CDS2: variants seen among roughly 807,000 people sequenced by gnomAD.
The protein encoded by CDS2 is CDP-diacylglycerol synthase 2.
A neutral mutation model predicts 59.0 loss-of-function variants in CDS2; 47 were observed. That is an observed-to-expected ratio of 0.80 (90% confidence interval 0.63 to 1.02). The LOEUF is 1.02. Ranked by LOEUF, CDS2 falls within the 50% of genes least tolerant of loss-of-function variation. The pLI is 0.00. For missense variants in CDS2, 356 were observed against 558.9 expected, an observed-to-expected ratio of 0.64 and a Z score of 3.66; for synonymous variants, 207 against 206.4, an observed-to-expected ratio of 1.00 and a Z score of -0.02.
chr20:5,188,886 A>G (rs1041912349), intron 10 of CDS2, among the ~76,000 whole-genome samples, 181 bp from the exon 11 acceptor site: 14 of 152,172 alleles, frequency 9.2e-5, no homozygotes, highest in Non-Finnish European at 1.9e-4. Context: ...AGAACTCACT[A>G]CTAGGAGAAA....
At chr20:5,155,736 A>C (rs147590392) in intron 1 of CDS2, among the ~76,000 whole-genome samples, 70 of 152,328 alleles carry the variant, frequency 4.6e-4, no homozygotes, top group African/African-American at 1.5e-3. Context: ...TTGCCATGTA[A>C]GATAATATTC....
chr20:5,137,071 A>G (rs1431063571), intron 1 of CDS2, among the ~76,000 whole-genome samples: 1 of 151,984 alleles, frequency 6.6e-6, no homozygotes, highest in Non-Finnish European at 1.5e-5. Context: ...TGCTTAGGAT[A>G]ATGACCCCTA....
intron 1 of CDS2, among the ~76,000 whole-genome samples, chr20:5,170,855 C>T (rs765173081): frequency 4.6e-5 from 7 of 152,218 alleles, no homozygotes; most frequent in Non-Finnish European, 2.9e-5. Context: ...ATCAAATAGA[C>T]GCAGTAAAAA....
intron 3 of CDS2, among the ~76,000 whole-genome samples, chr20:5,175,825 C>G (rs752653490): frequency 6.6e-6 from 1 of 152,092 alleles, no homozygotes; most frequent in Non-Finnish European, 1.5e-5. Flanking sequence ...CTTTATTATT[C>G]CAACTCTGTA....
chr20:5,192,875 G>A lies in CDS2; in HGVS notation c.*2641G>A, dbSNP rs1380874493. Reference sequence around the variant, plus strand: ...CCAGGCAGGGAGCTTCCCCAGGATAGTGTGGTGGAGTCAGGACTCACTCCA... The same window carrying A: ...CCAGGCAGGGAGCTTCCCCAGGATAATGTGGTGGAGTCAGGACTCACTCCA... On this transcript the variant is annotated 3_prime_UTR_variant, in exon 13 of 13. Transcript: ENST00000460006. 6.6e-6 allele frequency: 1 copy of A among 152,250 alleles called. No individual in the cohort carries two copies. 9.4% of individuals were successfully genotyped at this position (152,250 alleles called of 1,614,324 possible). A position where few individuals can be genotyped will look rare whatever the true frequency, so the allele number is the denominator to read the frequency against.
chr20:5,156,442 G>A (rs2123004938), intron 1 of CDS2, among the ~76,000 whole-genome samples: 1 of 152,236 alleles, frequency 6.6e-6, no homozygotes, highest in African/African-American at 2.4e-5. Flanking sequence ...TGGAGGAGAG[G>A]ACATAACTCG....
chr20:5,173,186 A>G (rs1265055892), intron 1 of CDS2, among the ~76,000 whole-genome samples: 1 of 152,238 alleles, frequency 6.6e-6, no homozygotes, highest in Non-Finnish European at 1.5e-5. Flanking sequence ...GCTCAGGGAT[A>G]ACCTCCTGTT....
rs1177201727 is a variant in CDS2, at chr20:5,186,760, CTG to C, written c.905_906del (p.Val302GlyfsTer3). 1.2e-6 allele frequency: 2 copies of C among 1,614,144 alleles called. No homozygotes were observed. The highest frequency in any genetic ancestry group is 1.7e-6 in the Non-Finnish European group (2 of 1,179,994). ...TACAACAATGACACCAACAGCTTCA[CTG>C]TGGACTGTGAGCCCTCGGACCTGTT... On this transcript the variant is annotated frameshift_variant, in exon 10 of 13. Coordinates refer to ENST00000460006, the MANE Select transcript of CDS2 (RefSeq NM_003818.4). LOFTEE classifies it high-confidence loss of function.
intron 1 of CDS2, among the ~76,000 whole-genome samples, chr20:5,159,596 G>A (rs1305616197): frequency 6.6e-6 from 1 of 152,050 alleles, no homozygotes; most frequent in African/African-American, 2.4e-5. Context: ...CAGACTATTA[G>A]CAAGATGTCA....
chr20:5,170,630 G>C (rs979915446), intron 1 of CDS2, among the ~76,000 whole-genome samples: 2 of 152,250 alleles, frequency 1.3e-5, no homozygotes, highest in South Asian at 4.1e-4. Context: ...GCATGTGGGA[G>C]AGAGTGGTCT....
At chr20:5,144,920 G>A (rs1435108568) in intron 1 of CDS2, among the ~76,000 whole-genome samples, 1 of 152,092 alleles carries the variant, frequency 6.6e-6, no homozygotes, top group Admixed American at 6.5e-5. Context: ...TACTACTATT[G>A]TGAGTGGCTC....
chr20:5,179,919 A>T (rs1230792208), intron 5 of CDS2, among the ~76,000 whole-genome samples: 1 of 152,230 alleles, frequency 6.6e-6, no homozygotes, highest in East Asian at 1.9e-4. Flanking sequence ...TTCTGACCTC[A>T]ATGTCAATCT....
intron 5 of CDS2, among the ~76,000 whole-genome samples, 155 bp from the exon 6 acceptor site, chr20:5,182,231 AT>A (rs1370287001): frequency 2.6e-5 from 4 of 152,098 alleles, no homozygotes; most frequent in Non-Finnish European, 5.9e-5. Flanking sequence ...GTGACTGTTT[AT>A]CTGGGTAATG....
chr20:5,189,951 C>T (rs976501474), intron 12 of CDS2, 113 bp downstream of exon 12: 5 of 1,336,188 alleles, frequency 3.7e-6, no homozygotes, highest in Middle Eastern at 1.9e-4. Context: ...ATGCAGTTTT[C>T]AGTTGTTTCT....
intron 1 of CDS2, chr20:5,128,184 C>A (rs34361216): frequency 0.18 from 27,646 of 152,236 alleles, 3,958 homozygotes; most frequent in African/African-American, 0.4. Context: ...TTGTCACCTG[C>A]TCAATGGTTG....
In CDS2 at chr20:5,190,448, T is replaced by A; in HGVS notation, c.*214T>A. On this transcript the variant is annotated 3_prime_UTR_variant, in exon 13 of 13. Transcript: ENST00000460006. ...GTTGTAAGTAAACTACAGCTTTGAG[T>A]TGGAAAGAAGTCACGGGTTGTAAAA... 1 of 426,600 alleles carries A rather than the reference T, an allele frequency of 2.3e-6. No individual in the cohort carries two copies. Among genetic ancestry groups the A allele is most frequent in the Non-Finnish European group, 4.1e-6 (1 of 242,954 alleles). 26.4% of individuals were successfully genotyped at this position (426,600 alleles called of 1,614,324 possible). A position where few individuals can be genotyped will look rare whatever the true frequency, so the allele number is the denominator to read the frequency against.
At chr20:5,172,861 T>C (rs1001482778) in intron 1 of CDS2, among the ~76,000 whole-genome samples, 6 of 152,206 alleles carry the variant, frequency 3.9e-5, no homozygotes, top group Admixed American at 2.6e-4. Context: ...AAGAGCTTGC[T>C]GCTGGCATGG....
chr20:5,168,045 T>G (rs1286623614), intron 1 of CDS2, among the ~76,000 whole-genome samples: 4 of 152,210 alleles, frequency 2.6e-5, no homozygotes, highest in Admixed American at 1.3e-4. Flanking sequence ...TTTTAGTTCC[T>G]CTTAGGCAAA....
At chr20:5,133,832 G>T (rs532855628) in intron 1 of CDS2, among the ~76,000 whole-genome samples, 2 of 152,182 alleles carry the variant, frequency 1.3e-5, no homozygotes, top group South Asian at 4.1e-4. Context: ...GCCTATGAAG[G>T]TCTTCTAATT....
Sources: allele counts gnomAD v4.1 joint callset (sites outside exome capture counted in the v4.1 genomes callset), GRCh38; gene constraint gnomAD v4.1.1; transcripts MANE v1.5; gene names NCBI Gene and HGNC (gene_info 2026-07-23, HGNC 2026-07-21).